The following KCNJ12 variants were observed in gnomAD, a reference collection of about 807,000 sequenced individuals.
The protein encoded by KCNJ12 is ATP-sensitive inward rectifier potassium channel 12.
KCNJ12 carries 2 observed loss-of-function variants against 22.3 expected under a neutral mutation model. That is an observed-to-expected ratio of 0.09 (90% CI 0.04 to 0.28). The LOEUF (loss-of-function observed/expected upper bound fraction) is 0.28. Ranked by LOEUF, KCNJ12 falls within the 10% of genes least tolerant of loss-of-function variation. The pLI, the probability that KCNJ12 is intolerant of heterozygous loss-of-function variation, is 1.00. For synonymous variants in KCNJ12, 117 were observed against 261.4 expected, an observed-to-expected ratio of 0.45 and a Z score of 5.33; for missense variants, 155 against 633.3, an observed-to-expected ratio of 0.24 and a Z score of 8.11.
intron 1 of KCNJ12, among the ~76,000 whole-genome samples, chr17:21,384,904 C>T (rs1905025459): frequency 6.6e-6 from 1 of 151,960 alleles, no homozygotes; most frequent in African/African-American, 2.4e-5. Context: ...TCCCGAGTAG[C>T]TGGGACTATA....
chr17:21,404,388 A>T (rs1375196961), intron 1 of KCNJ12, among the ~76,000 whole-genome samples: 1 of 152,246 alleles, frequency 6.6e-6, no homozygotes, highest in African/African-American at 2.4e-5. Context: ...ACTGGGTTAG[A>T]CACCTCGCCT....
intron 1 of KCNJ12, among the ~76,000 whole-genome samples, chr17:21,394,746 C>T (rs1202375471): frequency 2.6e-5 from 4 of 152,172 alleles, no homozygotes; most frequent in Admixed American, 2.6e-4. Flanking sequence ...GAAACCCTGG[C>T]ATAGGCACCC....
intron 1 of KCNJ12, among the ~76,000 whole-genome samples, chr17:21,395,601 A>G (rs1383661623): frequency 3.3e-5 from 5 of 151,566 alleles, no homozygotes; most frequent in Admixed American, 2.6e-4. Flanking sequence ...AAAAGAAAGA[A>G]AAAAGAAAAA....
intron 1 of KCNJ12, among the ~76,000 whole-genome samples, chr17:21,406,685 A>C (rs1466582323): frequency 2.0e-5 from 3 of 152,308 alleles, no homozygotes; most frequent in South Asian, 4.1e-4. Flanking sequence ...ATTTGAATCT[A>C]GGTCTGTGTG....
chr17:21,405,647 G>T (rs1238755038), intron 1 of KCNJ12, among the ~76,000 whole-genome samples: 2 of 152,292 alleles, frequency 1.3e-5, no homozygotes, highest in Non-Finnish European at 2.9e-5. Context: ...CTGTGGGCCA[G>T]CCCGGCCTGT....
intron 1 of KCNJ12, among the ~76,000 whole-genome samples, chr17:21,402,900 G>T: frequency 6.6e-6 from 1 of 152,308 alleles, no homozygotes; most frequent in Non-Finnish European, 1.5e-5. Flanking sequence ...GGACACCTGG[G>T]TGCTAGGCCC....
intron 2 of KCNJ12, among the ~76,000 whole-genome samples, chr17:21,414,720 C>T (rs1906589927): frequency 6.6e-6 from 1 of 152,302 alleles, no homozygotes; most frequent in Non-Finnish European, 1.5e-5. Flanking sequence ...GGGAGGGTGT[C>T]CAGGGTGGGT....
chr17:21,402,501 C>T (rs1905678733), intron 1 of KCNJ12, among the ~76,000 whole-genome samples: 1 of 152,310 alleles, frequency 6.6e-6, no homozygotes, highest in African/African-American at 2.4e-5. Context: ...GCTCACAGAT[C>T]TGAACTGTAA....
chr17:21,386,367 C>G (rs1435374778), intron 1 of KCNJ12, among the ~76,000 whole-genome samples: 1 of 152,170 alleles, frequency 6.6e-6, no homozygotes, highest in Non-Finnish European at 1.5e-5. Context: ...ATGAGACAGT[C>G]TCACTCTGTC....
Position 21,416,863 on chromosome 17 carries a change from A to C in KCNJ12, c.*219A>C, listed in dbSNP as rs1296261480. 8 of 697,312 alleles carry C rather than the reference A, an allele frequency of 1.1e-5. No homozygotes were observed. The East Asian group carries it at 2.2e-4, about 19-fold the overall frequency. 43.2% of individuals were successfully genotyped at this position (697,312 alleles called of 1,614,324 possible). On this transcript the variant is annotated 3_prime_UTR_variant, in exon 3 of 3. Transcript: ENST00000583088. ...CGGCCTCAGAGGCTATCACAGGCTC[A>C]GGGCAAAGAAGTGGCCTCCTGGGGG...
Position 21,416,119 on chromosome 17 carries a change from G to C in KCNJ12, c.777G>C (p.Leu259=), listed in dbSNP as rs1454791907. Residue 259 remains leucine, a synonymous_variant, in exon 3 of 3, where the codon CTG becomes CTC. Coordinates refer to ENST00000583088, the MANE Select transcript of KCNJ12 (RefSeq NM_021012.5). ...TCGATGTGGGCTTCGACAAGGGCCT[G>C]GACCGCATCTTTCTGGTGTCGCCCA... is the stretch of plus-strand genomic sequence containing the variant. ...IDIDVGFDKG[L]DRIFLVSPIT... The C allele has an allele frequency of 6.2e-7, 1 of 1,613,336 alleles. No homozygotes were observed. The highest frequency in any genetic ancestry group is 1.3e-5 in the African/African-American group (1 of 74,952).
chr17:21,386,815 T>C (rs1371995903), intron 1 of KCNJ12, among the ~76,000 whole-genome samples: 1 of 152,222 alleles, frequency 6.6e-6, no homozygotes, highest in Non-Finnish European at 1.5e-5. Flanking sequence ...CCTCTACTTC[T>C]AAGGATGCTT....
intron 2 of KCNJ12, among the ~76,000 whole-genome samples, chr17:21,410,173 A>G (rs1906238294): frequency 6.6e-6 from 1 of 152,116 alleles, no homozygotes; most frequent in African/African-American, 2.4e-5. Context: ...GCCTGTGCCC[A>G]GCCTAGCCTT....
intron 1 of KCNJ12, among the ~76,000 whole-genome samples, chr17:21,399,953 G>C (rs1240927615): frequency 2.6e-5 from 4 of 152,214 alleles, no homozygotes; most frequent in African/African-American, 9.6e-5. Flanking sequence ...CCAGTTTACT[G>C]GGGTTGGAAA....
intron 2 of KCNJ12, among the ~76,000 whole-genome samples, chr17:21,411,038 A>G (rs1433819592): frequency 1.3e-5 from 2 of 152,298 alleles, no homozygotes; most frequent in African/African-American, 2.4e-5. Flanking sequence ...CCGAGTCCCT[A>G]TGTCTTACCC....
At chr17:21,414,929 G>T (rs1388961196) in intron 2 of KCNJ12, among the ~76,000 whole-genome samples, 5 of 152,308 alleles carry the variant, frequency 3.3e-5, no homozygotes, top group African/African-American at 1.2e-4. Context: ...AGACTGGGGG[G>T]CCATGGGCAG....
chr17:21,396,070 T>C (rs1905352306), intron 1 of KCNJ12, among the ~76,000 whole-genome samples: 1 of 151,964 alleles, frequency 6.6e-6, no homozygotes, highest in Admixed American at 6.5e-5. Flanking sequence ...GCCAGGCTTG[T>C]TATGGTGGCT....
chr17:21,390,583 C>G (rs1275958164), intron 1 of KCNJ12, among the ~76,000 whole-genome samples: 3 of 152,212 alleles, frequency 2.0e-5, no homozygotes, highest in Non-Finnish European at 4.4e-5. Context: ...GGAGCAATTG[C>G]AGGGTCTGGA....
chr17:21,401,788 C>G (rs1343937679), intron 1 of KCNJ12, among the ~76,000 whole-genome samples: 1 of 152,206 alleles, frequency 6.6e-6, no homozygotes, highest in Non-Finnish European at 1.5e-5. Flanking sequence ...TGGTTCTGTG[C>G]TGAGGCCCCT....
Sources: allele counts gnomAD v4.1 joint callset (sites outside exome capture counted in the v4.1 genomes callset), GRCh38; gene constraint gnomAD v4.1.1; transcripts MANE v1.5; gene names NCBI Gene and HGNC (gene_info 2026-07-23, HGNC 2026-07-21).